CHODL: variants seen among roughly 807,000 people sequenced by gnomAD.
CHODL encodes transmembrane protein MT75.
A neutral mutation model predicts 34.5 loss-of-function variants in CHODL; 29 were observed. The ratio of observed to expected loss-of-function variants is 0.84; its 90% confidence interval spans 0.63 to 1.15. The LOEUF (loss-of-function observed/expected upper bound fraction) is 1.15, where lower values mean the gene tolerates loss of function less well. CHODL is among the 50% of genes most tolerant of loss of function. CHODL has a pLI of 0.00. For synonymous variants in CHODL, 125 were observed against 116.1 expected (o/e 1.08, Z -0.49); for missense variants, 332 against 332.5 (o/e 1.00, Z 0.01).
intron 2 of CHODL, among the ~76,000 whole-genome samples, chr21:18,122,262 C>A (rs1236775286): frequency 6.6e-6 from 1 of 152,060 alleles, no homozygotes; most frequent in Non-Finnish European, 1.5e-5. Flanking sequence ...TCAAAACTAC[C>A]AATGGATGAC....
intron 2 of CHODL, among the ~76,000 whole-genome samples, chr21:18,216,735 G>A (rs2073832882): frequency 6.6e-6 from 1 of 152,108 alleles, no homozygotes; most frequent in Admixed American, 6.6e-5. Context: ...CAATTATGGT[G>A]GAAGGCAAAA....
At chr21:18,108,837 T>TTGTGTGTGTGTGTG (rs68066729) in intron 2 of CHODL, among the ~76,000 whole-genome samples, 2 of 146,160 alleles carry the variant, frequency 1.4e-5, no homozygotes, top group Non-Finnish European at 3.0e-5. Context: ...CTTTGCAATG[T>TTGTGTGTGTGTGTG]TGTGTGTGTG....
intron 2 of CHODL, among the ~76,000 whole-genome samples, chr21:18,168,043 A>G (rs1478002502): frequency 6.6e-6 from 1 of 152,138 alleles, no homozygotes; most frequent in Non-Finnish European, 1.5e-5. Flanking sequence ...TCCTGTGATG[A>G]ATTCTTCCTG....
chr21:18,189,411 C>CA (rs1298454414), intron 2 of CHODL, among the ~76,000 whole-genome samples: 1 of 152,132 alleles, frequency 6.6e-6, no homozygotes, highest in Non-Finnish European at 1.5e-5. Context: ...ATGACAATTT[C>CA]ACTGGTGGCC....
chr21:18,229,188 A>G (rs2073957085), intron 2 of CHODL, among the ~76,000 whole-genome samples: 1 of 152,200 alleles, frequency 6.6e-6, no homozygotes, highest in Non-Finnish European at 1.5e-5. Flanking sequence ...AGATGAAATC[A>G]GGTGAAATAT....
At chr21:18,013,635 C>CTGCTTTTTTTTTTTTTTTT (rs2064040705) in intron 1 of CHODL, among the ~76,000 whole-genome samples, 1 of 71,896 alleles carries the variant, frequency 1.4e-5, no homozygotes, top group Non-Finnish European at 2.5e-5. Flanking sequence ...GCTGCTGCTG[C>CTGCTTTTTTTTTTTTTTTT]TTTTTTTTTT....
intron 1 of CHODL, among the ~76,000 whole-genome samples, chr21:17,949,072 C>T (rs1193584193): frequency 1.3e-5 from 2 of 152,148 alleles, no homozygotes; most frequent in Non-Finnish European, 2.9e-5. Context: ...CTTTTGTTTA[C>T]ACCAGTTTTA....
chr21:18,009,689 A>G (rs139619811), intron 1 of CHODL, among the ~76,000 whole-genome samples: 1 of 151,886 alleles, frequency 6.6e-6, no homozygotes, highest in Non-Finnish European at 1.5e-5. Context: ...GAAATCGAGA[A>G]CACCCTGGCT....
intron 1 of CHODL, among the ~76,000 whole-genome samples, chr21:18,252,620 T>C (rs535918634): frequency 6.6e-6 from 1 of 152,206 alleles, no homozygotes; most frequent in East Asian, 1.9e-4. Context: ...TAAAATAGAA[T>C]TGAATGTAAA....
At chr21:18,064,642 C>A (rs1233282561) in intron 2 of CHODL, among the ~76,000 whole-genome samples, 1 of 152,116 alleles carries the variant, frequency 6.6e-6, no homozygotes, top group Non-Finnish European at 1.5e-5. Flanking sequence ...TGGACTTGGC[C>A]TGGAACCATA....
intron 2 of CHODL, among the ~76,000 whole-genome samples, chr21:18,097,485 T>A (rs2065153745): frequency 6.6e-6 from 1 of 151,772 alleles, no homozygotes; most frequent in African/African-American, 2.4e-5. Flanking sequence ...TAGCCACAAA[T>A]AAAATTAAAT....
At position 17,992,715 on chromosome 21, in the gene CHODL, GTTGTTTTTTT is replaced by G. The variant is rs565969474; in HGVS notation, c.-144-35154_-144-35145del. Reference sequence around the variant, plus strand: ...ATCAGTTCTCAGAGTTTCTGGTGGAGTTGTTTTTTTTTTTTTTTTTTTTTTTTTCCAGACA... The same window carrying G: ...ATCAGTTCTCAGAGTTTCTGGTGGAGTTTTTTTTTTTTTTTTTTCCAGACA... On this transcript the variant is annotated intron_variant, in intron 1 of 6. Transcript: ENST00000400127. Among the ~76,000 whole-genome samples the G allele has an allele frequency of 6.0e-4, 19 of 31,510 alleles. No individual in the cohort carries two copies. In the East Asian group the frequency reaches 6.4e-3, roughly 11 times the overall value. The allele number at this position is 31,510 out of a possible 152,430, so 20.7% of individuals were successfully genotyped here.
At chr21:18,000,007 C>T (rs1017525907) in intron 1 of CHODL, among the ~76,000 whole-genome samples, 3 of 152,198 alleles carry the variant, frequency 2.0e-5, no homozygotes, top group African/African-American at 7.2e-5. Flanking sequence ...ACAGCTGCAG[C>T]ACTCCAACAA....
At chr21:18,145,617 T>G (rs558018076) in intron 2 of CHODL, among the ~76,000 whole-genome samples, 1 of 152,070 alleles carries the variant, frequency 6.6e-6, no homozygotes, top group Non-Finnish European at 1.5e-5. Context: ...TCGGGGTCAA[T>G]GTGTTCAAGA....
chr21:18,247,851 G>A (rs771852932), intron 1 of CHODL, among the ~76,000 whole-genome samples: 14 of 152,012 alleles, frequency 9.2e-5, no homozygotes, highest in Non-Finnish European at 1.6e-4. Context: ...TGACTGGTGA[G>A]TAGTGATGTC....
chr21:18,166,034 A>G (rs909259), intron 2 of CHODL, among the ~76,000 whole-genome samples: 144,196 of 152,246 alleles, frequency 0.95, 68,430 homozygotes, highest in Non-Finnish European at 0.98. Context: ...TGAATTCTCT[A>G]CTCAGGGTTT....
At chr21:17,969,163 T>C (rs1453596455) in intron 1 of CHODL, among the ~76,000 whole-genome samples, 1 of 152,220 alleles carries the variant, frequency 6.6e-6, no homozygotes, top group Non-Finnish European at 1.5e-5. Context: ...TTTCTTCTCA[T>C]ATTCACTTTA....
intron 2 of CHODL, among the ~76,000 whole-genome samples, chr21:18,179,172 G>T (rs1363545766): frequency 1.3e-5 from 2 of 152,086 alleles, no homozygotes; most frequent in Non-Finnish European, 2.9e-5. Flanking sequence ...TTTTGAGGTG[G>T]TGCAGGACTT....
intron 2 of CHODL, among the ~76,000 whole-genome samples, chr21:18,043,268 G>C (rs998778701): frequency 1.3e-5 from 2 of 151,954 alleles, no homozygotes; most frequent in African/African-American, 4.8e-5. Flanking sequence ...CCCACTCTTG[G>C]TTTAATGCTC....
Sources: allele counts gnomAD v4.1 joint callset (sites outside exome capture counted in the v4.1 genomes callset), GRCh38; gene constraint gnomAD v4.1.1; transcripts MANE v1.5; gene names NCBI Gene and HGNC (gene_info 2026-07-23, HGNC 2026-07-21).